Variants in CPNE4 observed in about 807,000 individuals in gnomAD.
The protein encoded by CPNE4 is copine 4, also known as copine-4.
CPNE4 carries 25 observed loss-of-function variants against 67.9 expected under a neutral mutation model. That is an observed-to-expected ratio of 0.37 (90% confidence interval 0.27 to 0.51). The LOEUF (loss-of-function observed/expected upper bound fraction) is 0.51, where lower values mean the gene tolerates loss of function less well. Ranked by LOEUF, CPNE4 falls within the 20% of genes least tolerant of loss-of-function variation. The probability of loss-of-function intolerance (pLI) is 0.93; values close to 1 mark genes in which losing one functional copy is unlikely to be tolerated. For synonymous variants in CPNE4, 242 were observed against 244.9 expected, an observed-to-expected ratio of 0.99 and a Z score of 0.11; for missense variants, 464 against 690.8, an observed-to-expected ratio of 0.67 and a Z score of 3.68.
intron 7 of CPNE4, among the ~76,000 whole-genome samples, chr3:131,644,356 C>G (rs1288190776): frequency 6.6e-6 from 1 of 152,154 alleles, no homozygotes; most frequent in African/African-American, 2.4e-5. Flanking sequence ...ACCATGTTAA[C>G]CAGGATGGTC....
chr3:131,556,406 T>C (rs1936457733), intron 11 of CPNE4, among the ~76,000 whole-genome samples: 1 of 152,002 alleles, frequency 6.6e-6, no homozygotes, highest in Non-Finnish European at 1.5e-5. Flanking sequence ...GGAAAGCTTG[T>C]AAGTTTGGCT....
chr3:132,037,519 A>C (rs1261914651), upstream of CPNE4: 1 of 1,498,926 alleles, frequency 6.7e-7, no homozygotes, highest in African/African-American at 1.4e-5. Flanking sequence ...TCCCCTCAAC[A>C]ATTGTAACAT....
intron 3 of CPNE4, among the ~76,000 whole-genome samples, chr3:131,717,117 C>T (rs993744626): frequency 1.3e-5 from 2 of 152,222 alleles, no homozygotes; most frequent in South Asian, 2.1e-4. Flanking sequence ...CCCCCATTCA[C>T]GCCAAAGTGT....
intron 2 of CPNE4, among the ~76,000 whole-genome samples, chr3:131,801,350 T>TG (rs1560343243): frequency 1.0e-5 from 1 of 100,028 alleles, no homozygotes; most frequent in African/African-American, 3.2e-5. Context: ...TATATATATA[T>TG]GTACCATATA....
chr3:131,999,576 T>C (rs2073376660), intron 1 of CPNE4, among the ~76,000 whole-genome samples: 1 of 152,042 alleles, frequency 6.6e-6, no homozygotes, highest in Non-Finnish European at 1.5e-5. Flanking sequence ...ACTGATATAA[T>C]TAAGGAGAAA....
chr3:131,668,514 C>T (rs533959962), intron 7 of CPNE4, among the ~76,000 whole-genome samples: 56 of 152,180 alleles, frequency 3.7e-4, no homozygotes, highest in African/African-American at 1.3e-3. Context: ...TGATTTCAGG[C>T]AATAACAGCA....
At chr3:131,651,947 G>T (rs2079825126) in intron 7 of CPNE4, among the ~76,000 whole-genome samples, 1 of 152,090 alleles carries the variant, frequency 6.6e-6, no homozygotes, top group Non-Finnish European at 1.5e-5. Context: ...AAGGAGTCCT[G>T]GGCTTCAAAT....
chr3:131,832,396 C>T (rs1463668324), intron 2 of CPNE4, among the ~76,000 whole-genome samples: 1 of 151,994 alleles, frequency 6.6e-6, no homozygotes, highest in Non-Finnish European at 1.5e-5. Context: ...AAGTGGGGGA[C>T]CATTGCCTTT....
chr3:131,848,981 A>AAAC (rs1297906130), intron 2 of CPNE4, among the ~76,000 whole-genome samples: 91 of 141,768 alleles, frequency 6.4e-4, no homozygotes, highest in African/African-American at 2.1e-3. Flanking sequence ...AAAAAAAAAA[A>AAAC]ACACAGAGAT....
At chr3:131,583,137 G>C (rs1351915827) in intron 8 of CPNE4, among the ~76,000 whole-genome samples, 1 of 152,152 alleles carries the variant, frequency 6.6e-6, no homozygotes, top group African/African-American at 2.4e-5. Flanking sequence ...AAAGAAAGAA[G>C]AAAACATTCA....
chr3:131,978,642 C>G (rs973536229), intron 1 of CPNE4, among the ~76,000 whole-genome samples: 2 of 139,304 alleles, frequency 1.4e-5, no homozygotes, highest in African/African-American at 2.7e-5. Context: ...TGTTAAAGAA[C>G]CAGCTTTTTG....
chr3:131,729,814 G>C (rs370354618), intron 2 of CPNE4, among the ~76,000 whole-genome samples: 9 of 152,180 alleles, frequency 5.9e-5, no homozygotes, highest in African/African-American at 1.7e-4. Context: ...CTAGTTCCTA[G>C]GACTAAAAAA....
At chr3:131,609,821 C>G (rs919163458) in intron 7 of CPNE4, among the ~76,000 whole-genome samples, 1 of 152,022 alleles carries the variant, frequency 6.6e-6, no homozygotes, top group African/African-American at 2.4e-5. Flanking sequence ...TTCAGGTTGA[C>G]CATATAGTAA....
At chr3:131,546,299 A>T (rs1935831968) in intron 14 of CPNE4, among the ~76,000 whole-genome samples, 1 of 152,194 alleles carries the variant, frequency 6.6e-6, no homozygotes, top group Non-Finnish European at 1.5e-5. Context: ...AAACAATAAC[A>T]GTTCCTTCTA....
At chr3:131,950,118 G>A (rs2071679406) in intron 1 of CPNE4, among the ~76,000 whole-genome samples, 1 of 152,154 alleles carries the variant, frequency 6.6e-6, no homozygotes, top group Non-Finnish European at 1.5e-5. Context: ...TTGTTGGGGG[G>A]AAATAAAGGG....
At chr3:131,561,760 T>G (rs1216254943) in intron 11 of CPNE4, among the ~76,000 whole-genome samples, 1 of 152,046 alleles carries the variant, frequency 6.6e-6, no homozygotes, top group African/African-American at 2.4e-5. Context: ...CCACACTGAC[T>G]TTGATGTGAG....
chr3:131,736,810 C>T (rs536999019), intron 2 of CPNE4, among the ~76,000 whole-genome samples: 120 of 152,054 alleles, frequency 7.9e-4, no homozygotes, highest in Non-Finnish European at 1.4e-3. Context: ...CTTTTCTACT[C>T]TAGAAGATTC....
At chr3:131,842,214 A>G (rs1000087823) in intron 2 of CPNE4, among the ~76,000 whole-genome samples, 2 of 152,248 alleles carry the variant, frequency 1.3e-5, no homozygotes, top group Admixed American at 6.5e-5. Context: ...AAGTTTCTAC[A>G]AAGAATGGGA....
At chr3:131,850,963 A>G (rs556336382) in intron 2 of CPNE4, among the ~76,000 whole-genome samples, 2 of 152,218 alleles carry the variant, frequency 1.3e-5, no homozygotes, top group African/African-American at 4.8e-5. Context: ...TGATGCAGCA[A>G]TTCTACCTCC....
Sources: allele counts gnomAD v4.1 joint callset (sites outside exome capture counted in the v4.1 genomes callset), GRCh38; gene constraint gnomAD v4.1.1; transcripts MANE v1.5; gene names NCBI Gene and HGNC (gene_info 2026-07-23, HGNC 2026-07-21).